The following CALN1 variants were observed in gnomAD, a reference collection of about 807,000 sequenced individuals.
The protein encoded by CALN1 is calcium-binding protein 8.
Under a neutral mutation model 30.6 loss-of-function variants are expected in CALN1, and 17 were observed. The observed-to-expected ratio is 0.56, with a 90% CI of 0.38 to 0.83. The LOEUF (loss-of-function observed/expected upper bound fraction) is 0.83, where lower values mean the gene tolerates loss of function less well. CALN1 is among the 40% of genes least tolerant of loss of function. The probability of loss-of-function intolerance (pLI) is 0.00; values close to 1 mark genes in which losing one functional copy is unlikely to be tolerated. For missense variants in CALN1, 291 were observed against 354.9 expected (o/e 0.82, Z 1.45); for synonymous variants, 156 against 131.4 (o/e 1.19, Z -1.28).
At chr7:72,133,840 C>T (rs184546559) in intron 3 of CALN1, among the ~76,000 whole-genome samples, 3 of 152,250 alleles carry the variant, frequency 2.0e-5, no homozygotes, top group Admixed American at 1.3e-4. Flanking sequence ...TATGAAGGAA[C>T]ATCAGACAAA....
chr7:72,080,313 C>G (rs762848052), intron 4 of CALN1, among the ~76,000 whole-genome samples: 4 of 152,166 alleles, frequency 2.6e-5, no homozygotes, highest in Non-Finnish European at 5.9e-5. Flanking sequence ...GATTTGGCAG[C>G]TGTTCTCCTG....
chr7:72,396,062 A>G (rs1011775010), intron 2 of CALN1, among the ~76,000 whole-genome samples: 1 of 151,792 alleles, frequency 6.6e-6, no homozygotes, highest in Admixed American at 6.6e-5. Context: ...TCTGATCAGC[A>G]AACTGATGGG....
At position 71,799,325 on chromosome 7, in the gene CALN1, G is replaced by A. The variant is rs112986082; in HGVS notation, c.658+11011C>T. Among the ~76,000 whole-genome samples, 790 of 152,230 alleles carry A rather than the reference G, an allele frequency of 5.2e-3. 8 individuals carry two copies. Among genetic ancestry groups the A allele is most frequent in the African/African-American group, 0.011 (438 of 41,512 alleles). ...CCTCACTCAAGTGAGGGCATGCTGG[G>A]GAAGGATTTTAAGCCAGGCTCGTCC... On this transcript the variant is annotated intron_variant, in intron 6 of 6. Coordinates refer to ENST00000395275, the MANE Select transcript of CALN1 (RefSeq NM_031468.4).
chr7:71,885,778 T>C (rs1036269392), intron 5 of CALN1, among the ~76,000 whole-genome samples: 1 of 152,214 alleles, frequency 6.6e-6, no homozygotes, highest in African/African-American at 2.4e-5. Flanking sequence ...TTGCCAAATG[T>C]TTCTGACTAT....
intron 5 of CALN1, among the ~76,000 whole-genome samples, chr7:71,893,748 C>T (rs1367519145): frequency 3.3e-5 from 5 of 151,646 alleles, no homozygotes; most frequent in African/African-American, 7.3e-5. Flanking sequence ...AGGCTATTCT[C>T]GGGATGTCAA....
chr7:71,807,382 G>C (rs572392823), intron 6 of CALN1, among the ~76,000 whole-genome samples: 1 of 152,234 alleles, frequency 6.6e-6, no homozygotes, highest in South Asian at 2.1e-4. Flanking sequence ...GCTCTTTCTT[G>C]CATGTGGAAA....
At chr7:71,879,099 C>T (rs1792420376) in intron 5 of CALN1, among the ~76,000 whole-genome samples, 1 of 152,084 alleles carries the variant, frequency 6.6e-6, no homozygotes, top group Admixed American at 6.5e-5. Flanking sequence ...TACCTGATGG[C>T]AGAGAAAGAA....
At chr7:71,949,333 C>T (rs1280751795) in intron 5 of CALN1, among the ~76,000 whole-genome samples, 6 of 152,182 alleles carry the variant, frequency 3.9e-5, no homozygotes, top group Non-Finnish European at 8.8e-5. Context: ...ACTTCATCCT[C>T]TTCATTTACA....
the CALN1 span, among the ~76,000 whole-genome samples, chr7:72,458,285 T>C: frequency 0.03 from 1,512 of 51,042 alleles, 95 homozygotes; most frequent in African/African-American, 0.12. Flanking sequence ...ATAATATATT[T>C]TATAATATAT....
chr7:71,838,199 C>T (rs1400481472), intron 5 of CALN1, among the ~76,000 whole-genome samples: 1 of 152,078 alleles, frequency 6.6e-6, no homozygotes, highest in Non-Finnish European at 1.5e-5. Context: ...GGAAATATAG[C>T]ATATGATTTC....
intron 2 of CALN1, among the ~76,000 whole-genome samples, chr7:72,402,744 G>A (rs964466975): frequency 6.6e-6 from 1 of 152,164 alleles, no homozygotes; most frequent in Admixed American, 6.5e-5. Flanking sequence ...TAGCCTAGTG[G>A]TTAGGAGCAT....
intron 3 of CALN1, among the ~76,000 whole-genome samples, chr7:72,126,246 T>A (rs981391744): frequency 1.5e-4 from 23 of 152,132 alleles, no homozygotes; most frequent in Non-Finnish European, 1.0e-4. Flanking sequence ...AGGCCATTAT[T>A]TCATTCCATT....
intron 3 of CALN1, among the ~76,000 whole-genome samples, chr7:72,118,896 C>G (rs1403768448): frequency 6.6e-6 from 1 of 152,148 alleles, no homozygotes; most frequent in African/African-American, 2.4e-5. Flanking sequence ...AGAGGATCAA[C>G]AAGGCAACTG....
chr7:72,464,784 G>C, the CALN1 span, among the ~76,000 whole-genome samples: 1 of 152,222 alleles, frequency 6.6e-6, no homozygotes, highest in Non-Finnish European at 1.5e-5. Flanking sequence ...GTCTCACTTA[G>C]ATCCTTCCTT....
intron 6 of CALN1, among the ~76,000 whole-genome samples, chr7:71,806,112 G>A (rs529157617): frequency 1.3e-4 from 20 of 152,272 alleles, no homozygotes; most frequent in East Asian, 7.7e-4. Flanking sequence ...GGCTTAATGC[G>A]TAGGTAATGG....
chr7:72,430,741 G>A (rs554090907), intron 1 of CALN1, among the ~76,000 whole-genome samples: 4 of 152,218 alleles, frequency 2.6e-5, no homozygotes, highest in African/African-American at 9.6e-5. Flanking sequence ...CGCTCTGCAT[G>A]GTATCCTGTT....
intron 3 of CALN1, among the ~76,000 whole-genome samples, chr7:72,273,463 T>C (rs1412471104): frequency 6.7e-6 from 1 of 148,250 alleles, no homozygotes; most frequent in African/African-American, 2.5e-5. Flanking sequence ...GTGGGGAATA[T>C]TATCTCAGGT....
chr7:71,799,830 G>A (rs1787201007), intron 6 of CALN1, among the ~76,000 whole-genome samples: 1 of 152,088 alleles, frequency 6.6e-6, no homozygotes, highest in Non-Finnish European at 1.5e-5. Flanking sequence ...GTGCTGTGAA[G>A]GGTCCCCAAA....
intron 5 of CALN1, among the ~76,000 whole-genome samples, chr7:71,905,254 T>A (rs750104377): frequency 2.0e-5 from 3 of 152,168 alleles, no homozygotes; most frequent in East Asian, 1.9e-4. Context: ...ATTTATTTTT[T>A]AAAATTATAT....
Sources: allele counts gnomAD v4.1 joint callset (sites outside exome capture counted in the v4.1 genomes callset), GRCh38; gene constraint gnomAD v4.1.1; transcripts MANE v1.5; gene names NCBI Gene and HGNC (gene_info 2026-07-23, HGNC 2026-07-21).